LRRC4C: variants seen among roughly 807,000 people sequenced by gnomAD.
LRRC4C encodes leucine-rich repeat-containing protein 4C.
A neutral mutation model predicts 33.6 loss-of-function variants in LRRC4C; 5 were observed. That is an observed-to-expected ratio of 0.15 (90% confidence interval 0.08 to 0.31). LRRC4C has a LOEUF of 0.31. LRRC4C is among the 10% of genes least tolerant of loss of function. The probability of loss-of-function intolerance (pLI) is 1.00; values close to 1 mark genes in which losing one functional copy is unlikely to be tolerated. For missense variants in LRRC4C, 560 were observed against 796.7 expected, an observed-to-expected ratio of 0.70 and a Z score of 3.58; for synonymous variants, 329 against 302.0, an observed-to-expected ratio of 1.09 and a Z score of -0.93.
chr11:40,308,211 C>T (rs745379553), intron 4 of LRRC4C, among the ~76,000 whole-genome samples: 1 of 152,098 alleles, frequency 6.6e-6, no homozygotes, highest in East Asian at 1.9e-4. Context: ...ACCACACATA[C>T]AGTTGTTTGC....
chr11:40,695,338 G>T (rs1169697160), intron 2 of LRRC4C, among the ~76,000 whole-genome samples: 2 of 152,022 alleles, frequency 1.3e-5, no homozygotes, highest in Admixed American at 6.6e-5. Flanking sequence ...ATTTTTATTT[G>T]TGTATTATCT....
At chr11:41,421,037 T>C (rs764046967) in intron 1 of LRRC4C, among the ~76,000 whole-genome samples, 2 of 152,048 alleles carry the variant, frequency 1.3e-5, no homozygotes, top group Non-Finnish European at 1.5e-5. Flanking sequence ...AATCCTAATA[T>C]GACTTCAGGT....
intron 5 of LRRC4C, among the ~76,000 whole-genome samples, chr11:40,238,309 T>C (rs904216809): frequency 6.6e-6 from 1 of 152,168 alleles, no homozygotes; most frequent in Non-Finnish European, 1.5e-5. Context: ...TATCTGTAAG[T>C]TTTGAATGTA....
intron 3 of LRRC4C, among the ~76,000 whole-genome samples, chr11:40,607,941 G>C (rs146112383): frequency 7.0e-4 from 107 of 152,212 alleles, no homozygotes; most frequent in Admixed American, 4.1e-3. Flanking sequence ...GGTGTGATCT[G>C]TGGGGCACCA....
intron 3 of LRRC4C, among the ~76,000 whole-genome samples, chr11:40,537,522 CA>C (rs1430580023): frequency 6.6e-5 from 10 of 152,074 alleles, no homozygotes; most frequent in Admixed American, 6.5e-4. Flanking sequence ...GGTAAAGTTC[CA>C]AAACAATGCC....
intron 2 of LRRC4C, among the ~76,000 whole-genome samples, chr11:40,739,762 C>A (rs952524686): frequency 2.0e-5 from 3 of 151,980 alleles, no homozygotes; most frequent in African/African-American, 4.8e-5. Flanking sequence ...AAGTTGCCTG[C>A]CTCCTCTTCT....
intron 2 of LRRC4C, among the ~76,000 whole-genome samples, chr11:40,724,941 A>G (rs1947214295): frequency 1.3e-5 from 2 of 152,188 alleles, no homozygotes; most frequent in African/African-American, 4.8e-5. Context: ...GATGAGGGAT[A>G]TGATAACCAA....
chr11:41,108,401 T>C (rs1433263874), intron 1 of LRRC4C, among the ~76,000 whole-genome samples: 19 of 152,152 alleles, frequency 1.2e-4, no homozygotes, highest in Non-Finnish European at 1.3e-4. Context: ...CAAACTAAGC[T>C]TCCCTACTTG....
chr11:40,577,221 T>A (rs77724934), intron 3 of LRRC4C, among the ~76,000 whole-genome samples: 4,524 of 152,310 alleles, frequency 0.03, 100 homozygotes, highest in Middle Eastern at 0.051. Context: ...AACATAAAGC[T>A]AACAGGTCCA....
intron 3 of LRRC4C, among the ~76,000 whole-genome samples, chr11:40,602,193 C>CAAAAAAAAAAA (rs375091552): frequency 1.1e-5 from 1 of 93,830 alleles, no homozygotes; most frequent in African/African-American, 5.0e-5. Flanking sequence ...GAATCTGTCT[C>CAAAAAAAAAAA]AAAAAAAAAA....
At chr11:40,368,043 GT>G (rs1948289276) in intron 3 of LRRC4C, among the ~76,000 whole-genome samples, 1 of 152,070 alleles carries the variant, frequency 6.6e-6, no homozygotes, top group African/African-American at 2.4e-5. Flanking sequence ...TCATCAGACT[GT>G]TTTTTGTTGT....
chr11:41,191,037 C>T (rs1026123886), intron 1 of LRRC4C, among the ~76,000 whole-genome samples: 1 of 152,050 alleles, frequency 6.6e-6, no homozygotes, highest in African/African-American at 2.4e-5. Context: ...TGTTTTAACC[C>T]CTCCCTGGCC....
chr11:40,535,655 T>G (rs1956441079), intron 3 of LRRC4C, among the ~76,000 whole-genome samples: 1 of 152,222 alleles, frequency 6.6e-6, no homozygotes. Flanking sequence ...GATTTAGATT[T>G]GTACTGGGTT....
chr11:40,918,234 G>A (rs1957041046), intron 2 of LRRC4C, among the ~76,000 whole-genome samples: 1 of 152,054 alleles, frequency 6.6e-6, no homozygotes, highest in Non-Finnish European at 1.5e-5. Flanking sequence ...TTGTGAGGAT[G>A]TATGTATTAA....
chr11:41,456,777 G>A (rs1293015917), intron 1 of LRRC4C, among the ~76,000 whole-genome samples: 2 of 152,000 alleles, frequency 1.3e-5, no homozygotes, highest in South Asian at 2.1e-4. Context: ...CCTGGTAAAC[G>A]TCAAAACCCT....
At chr11:40,984,363 A>AGAAGAAAGAAAGAAAGAAAG (rs1375965996) in intron 1 of LRRC4C, among the ~76,000 whole-genome samples, 4 of 120,296 alleles carry the variant, frequency 3.3e-5, no homozygotes, top group African/African-American at 9.6e-5. Flanking sequence ...AAAGAAAGAA[A>AGAAGAAAGAAAGAAAGAAAG]AAAGAAAGAA....
At chr11:41,108,118 GTTACAAGTGATTC>G (rs2135678579) in intron 1 of LRRC4C, among the ~76,000 whole-genome samples, 1 of 152,172 alleles carries the variant, frequency 6.6e-6, no homozygotes. Context: ...TAAAGGGCTG[GTTACAAGTGATTC>G]TTATCAAGTA....
intron 4 of LRRC4C, among the ~76,000 whole-genome samples, chr11:40,247,535 A>G (rs553754204): frequency 3.3e-5 from 5 of 152,354 alleles, no homozygotes; most frequent in African/African-American, 1.2e-4. Flanking sequence ...AAATGGAAGC[A>G]AAATGAGATT....
At chr11:40,193,712 G>T (rs980568029) in intron 5 of LRRC4C, among the ~76,000 whole-genome samples, 3 of 152,070 alleles carry the variant, frequency 2.0e-5, no homozygotes, top group Non-Finnish European at 4.4e-5. Flanking sequence ...ACCTTGATAT[G>T]AGGTTACAGG....
Sources: gnomAD v4.1 joint callset for allele counts (sites outside exome capture counted in the v4.1 genomes callset) on GRCh38, gnomAD v4.1.1 for gene constraint, MANE v1.5 for transcripts, NCBI Gene and HGNC (gene_info 2026-07-23, HGNC 2026-07-21) for gene names.